PLAA: variants seen among roughly 807,000 people sequenced by gnomAD.
PLAA encodes phospholipase A2 activating protein, also known as phospholipase A-2-activating protein.
PLAA carries 48 observed loss-of-function variants against 84.1 expected under a neutral mutation model. The ratio of observed to expected loss-of-function variants is 0.57; its 90% CI spans 0.45 to 0.73. PLAA has a LOEUF of 0.73. Among genes scored for constraint, PLAA ranks in the 30% least tolerant of loss-of-function variants. The pLI, the probability that PLAA is intolerant of heterozygous loss-of-function variation, is 0.00. For missense variants in PLAA, 903 were observed against 954.7 expected (o/e 0.95, Z 0.71); for synonymous variants, 392 against 336.6 (o/e 1.16, Z -1.80).
chr9:26,905,492 C>G lies in PLAA; in HGVS notation c.*19G>C, dbSNP rs1001617699. The G allele has an allele frequency of 1.3e-6, 2 of 1,525,084 alleles. No homozygotes were observed. Among genetic ancestry groups the G allele is most frequent in the African/African-American group, 2.8e-5 (2 of 72,120 alleles). The allele number at this position is 1,525,084 out of a possible 1,614,324, so 94.5% of individuals were successfully genotyped here. On this transcript the variant is annotated 3_prime_UTR_variant, in exon 14 of 14. Coordinates refer to ENST00000397292, the MANE Select transcript of PLAA (RefSeq NM_001031689.3). ...AAAAACACTAATCAATTAAAAATATCCGTCCCTCTTCCCCACTGCTACAGC... is the reference window on the plus strand; with the variant it reads ...AAAAACACTAATCAATTAAAAATATGCGTCCCTCTTCCCCACTGCTACAGC...
At chr9:26,914,311 GAGTT>G (rs1287843285) in intron 10 of PLAA, among the ~76,000 whole-genome samples, 1 of 152,152 alleles carries the variant, frequency 6.6e-6, no homozygotes, top group East Asian at 1.9e-4. Context: ...ACTCAGGTAA[GAGTT>G]AGAGATACTA....
At chr9:26,946,838 C>T in intron 1 of PLAA, 59 bp downstream of exon 1, 1 of 1,505,618 alleles carries the variant, frequency 6.6e-7, no homozygotes, top group African/African-American at 1.4e-5. Context: ...GGGTCACTCT[C>T]CTTCCACTCT....
chr9:26,913,578 A>C (rs1201468712), intron 11 of PLAA, among the ~76,000 whole-genome samples: 1 of 152,166 alleles, frequency 6.6e-6, no homozygotes, highest in Non-Finnish European at 1.5e-5. Context: ...TGCATATTAG[A>C]ATCACATTGG....
intron 12 of PLAA, among the ~76,000 whole-genome samples, chr9:26,908,514 A>G (rs1242754513): frequency 6.6e-6 from 1 of 150,806 alleles, no homozygotes; most frequent in Non-Finnish European, 1.5e-5. Context: ...CCCAGGCTGG[A>G]GTGCAGTGGC....
chr9:26,942,320 A>G (rs191876978), intron 1 of PLAA, among the ~76,000 whole-genome samples: 1 of 152,360 alleles, frequency 6.6e-6, no homozygotes, highest in East Asian at 1.9e-4. Flanking sequence ...AATGAAGGGA[A>G]ATCCTAGGAT....
chr9:26,942,924 T>G (rs1825587323), intron 1 of PLAA, among the ~76,000 whole-genome samples: 1 of 137,576 alleles, frequency 7.3e-6, no homozygotes, highest in Non-Finnish European at 1.6e-5. Context: ...GCATACGTGA[T>G]GGGGTGAGTG....
rs766601650 is a variant in PLAA, at chr9:26,905,772, A to G, written c.2127T>C (p.Tyr709=). 1 of 1,614,202 alleles carries G rather than the reference A, an allele frequency of 6.2e-7. No individual in the cohort carries two copies. The highest frequency in any genetic ancestry group is 8.5e-7 in the Non-Finnish European group (1 of 1,180,030). ...TATGGTCTTTATGAAAACAAACAGAATAGTTCAGGGCCAATGTAGCCAGAG... is the reference window on the plus strand; with the variant it reads ...TATGGTCTTTATGAAAACAAACAGAGTAGTTCAGGGCCAATGTAGCCAGAG... The part of the protein sequence containing the change: ...HIALATLALN[Y]SVCFHKDHNI... Residue 709 remains tyrosine (Y), a synonymous_variant, in exon 14 of 14, where the codon TAT becomes TAC. Transcript: ENST00000397292.
chr9:26,926,074 T>C, intron 5 of PLAA, 114 bp from the exon 6 acceptor site: 1 of 803,854 alleles, frequency 1.2e-6, no homozygotes, highest in Non-Finnish European at 1.9e-6. Context: ...AAAATTACAG[T>C]TTTAAATTTC....
chr9:26,923,032 A>C (rs1824819856), intron 7 of PLAA, 146 bp downstream of exon 7: 1 of 561,596 alleles, frequency 1.8e-6, no homozygotes, highest in Non-Finnish European at 3.1e-6. Context: ...ATGGTTTCTC[A>C]TAGTGATTAT....
intron 1 of PLAA, among the ~76,000 whole-genome samples, chr9:26,941,151 T>C (rs1587193690): frequency 2.1e-5 from 1 of 46,830 alleles, no homozygotes; most frequent in African/African-American, 1.0e-4. Context: ...CTTAAGGTAT[T>C]AAGACAAAAA....
chr9:26,944,787 T>C (rs908707712), intron 1 of PLAA, among the ~76,000 whole-genome samples: 1 of 152,162 alleles, frequency 6.6e-6, no homozygotes, highest in Non-Finnish European at 1.5e-5. Flanking sequence ...TCTTCATCAG[T>C]GTTAGATAAA....
intron 8 of PLAA, 145 bp from the exon 9 acceptor site, chr9:26,919,674 G>C: frequency 1.8e-6 from 1 of 554,586 alleles, no homozygotes; most frequent in Non-Finnish European, 3.2e-6. Flanking sequence ...CTTCGTTTTT[G>C]GCAGATAAAG....
At chr9:26,928,038 G>C (rs1226924744) in intron 4 of PLAA, 62 bp downstream of exon 4, 1 of 1,522,020 alleles carries the variant, frequency 6.6e-7, no homozygotes, top group Non-Finnish European at 8.9e-7. Context: ...AAACTTCTGA[G>C]AAAAAAAATC....
intron 4 of PLAA, 134 bp from the exon 5 acceptor site, chr9:26,926,694 T>G: frequency 3.1e-6 from 2 of 637,840 alleles, no homozygotes; most frequent in Non-Finnish European, 4.9e-6. Context: ...TCTTTTTTTT[T>G]GTTGAAAGCC....
At chr9:26,921,536 G>C (rs1410770005) in intron 7 of PLAA, among the ~76,000 whole-genome samples, 1 of 152,196 alleles carries the variant, frequency 6.6e-6, no homozygotes, top group African/African-American at 2.4e-5. Context: ...AGAAAATCCA[G>C]CCTAACACAC....
intron 9 of PLAA, among the ~76,000 whole-genome samples, chr9:26,919,024 T>A (rs1336701160): frequency 6.6e-6 from 1 of 152,234 alleles, no homozygotes; most frequent in Non-Finnish European, 1.5e-5. Flanking sequence ...TATAATTTTT[T>A]AAAAGAAACA....
intron 7 of PLAA, among the ~76,000 whole-genome samples, chr9:26,920,955 C>A (rs1221759519): frequency 6.6e-6 from 1 of 152,038 alleles, no homozygotes; most frequent in East Asian, 1.9e-4. Flanking sequence ...CCAGCAACTT[C>A]AGGAATTTTT....
rs1824183508 is a variant in PLAA, at chr9:26,904,992, A to C, written c.*519T>G. ...GGATTTATAAATGACAAATCAAGAA[A>C]TTATCTTATATTGTTTTAATATATG... On this transcript the variant is annotated 3_prime_UTR_variant, in exon 14 of 14. Transcript: ENST00000397292. 6.6e-6 allele frequency: 1 copy of C among 151,852 alleles called. No individual in the cohort carries two copies. Among genetic ancestry groups the C allele is most frequent in the Non-Finnish European group, 1.5e-5 (1 of 67,936 alleles). 9.4% of individuals were successfully genotyped at this position (151,852 alleles called of 1,614,324 possible).
chr9:26,905,897 C>T lies in PLAA; in HGVS notation c.2002G>A (p.Val668Ile), dbSNP rs137995823. The change falls in exon 14 of 14, where the codon GTT becomes ATT. Residue 668 changes from valine to isoleucine, a missense_variant. Transcript: ENST00000397292. Reference protein sequence around the residue: ...LALRTFCNCFVGQAGQKLMMS... With the variant: ...LALRTFCNCFIGQAGQKLMMS... ...ATGAGTTTTTGTCCTGCCTGGCCAA[C>T]AAAACAATTGCAAAAAGTCCTGAGA... is the stretch of plus-strand genomic sequence containing the variant. 5.7e-5 allele frequency: 92 copies of T among 1,613,968 alleles called. No individual in the cohort carries two copies. The highest frequency in any genetic ancestry group is 7.5e-5 in the Non-Finnish European group (89 of 1,180,024).
Sources: allele counts gnomAD v4.1 joint callset (sites outside exome capture counted in the v4.1 genomes callset), GRCh38; gene constraint gnomAD v4.1.1; transcripts MANE v1.5; gene names NCBI Gene and HGNC (gene_info 2026-07-23, HGNC 2026-07-21).